Variants in CHRM3 observed in about 807,000 individuals in gnomAD.
CHRM3 encodes the protein cholinergic receptor muscarinic 3, also known as muscarinic acetylcholine receptor M3.
In CHRM3, 11 loss-of-function variants were observed where a neutral mutation model predicts 41.8. The observed-to-expected ratio is 0.26, with a 90% CI of 0.17 to 0.44. The LOEUF (loss-of-function observed/expected upper bound fraction) is 0.44, where lower values mean the gene tolerates loss of function less well. Ranked by LOEUF, CHRM3 falls within the 20% of genes least tolerant of loss-of-function variation. The pLI, the probability that CHRM3 is intolerant of heterozygous loss-of-function variation, is 1.00. For missense variants in CHRM3, 571 were observed against 745.4 expected, an observed-to-expected ratio of 0.77 and a Z score of 2.72; for synonymous variants, 297 against 301.4, an observed-to-expected ratio of 0.99 and a Z score of 0.15.
intron 1 of CHRM3, among the ~76,000 whole-genome samples, chr1:239,470,444 C>A (rs1000719135): frequency 6.6e-6 from 1 of 151,898 alleles, no homozygotes; most frequent in East Asian, 1.9e-4. Flanking sequence ...AAATTCACAC[C>A]CCCCCACTCT....
At chr1:239,745,207 A>G (rs909872609) in intron 5 of CHRM3, among the ~76,000 whole-genome samples, 1 of 152,320 alleles carries the variant, frequency 6.6e-6, no homozygotes, top group East Asian at 1.9e-4. Flanking sequence ...GGAAAGTGAC[A>G]TGATCAGATG....
intron 3 of CHRM3, among the ~76,000 whole-genome samples, chr1:239,587,350 G>A (rs1371410464): frequency 3.3e-5 from 5 of 152,272 alleles, no homozygotes; most frequent in South Asian, 2.1e-4. Flanking sequence ...CCTCTTACCA[G>A]TCATTTACGT....
At chr1:239,434,956 A>G (rs931590429) in intron 1 of CHRM3, among the ~76,000 whole-genome samples, 2 of 152,150 alleles carry the variant, frequency 1.3e-5, no homozygotes, top group Middle Eastern at 3.2e-3. Context: ...AGGTTTTTGT[A>G]TTCCTTGTCA....
chr1:239,389,640 A>G (rs1288301495), intron 1 of CHRM3, among the ~76,000 whole-genome samples: 1 of 152,238 alleles, frequency 6.6e-6, no homozygotes, highest in Non-Finnish European at 1.5e-5. Context: ...TCACACTTGT[A>G]AATTGAATAG....
intron 2 of CHRM3, among the ~76,000 whole-genome samples, chr1:239,500,382 C>T (rs537513228): frequency 1.3e-4 from 20 of 151,224 alleles, no homozygotes; most frequent in African/African-American, 1.7e-4. Flanking sequence ...AACCAAACAC[C>T]GCATGTTCTC....
At chr1:239,456,656 T>C (rs1664961002) in intron 1 of CHRM3, among the ~76,000 whole-genome samples, 2 of 152,146 alleles carry the variant, frequency 1.3e-5, no homozygotes, top group Non-Finnish European at 1.5e-5. Flanking sequence ...GTAGTGTACA[T>C]GAATGGCCCA....
intron 3 of CHRM3, among the ~76,000 whole-genome samples, chr1:239,575,321 A>C (rs575751498): frequency 6.6e-6 from 1 of 152,256 alleles, no homozygotes; most frequent in African/African-American, 2.4e-5. Context: ...AGCAGCCTAA[A>C]GGGTTGTTGA....
At chr1:239,690,018 CAG>C (rs1385161267) in intron 5 of CHRM3, among the ~76,000 whole-genome samples, 2 of 150,846 alleles carry the variant, frequency 1.3e-5, no homozygotes, top group East Asian at 2.0e-4. Flanking sequence ...GACACTAAAA[CAG>C]AGAGAGAGAG....
At chr1:239,471,206 A>G (rs1452155609) in intron 1 of CHRM3, among the ~76,000 whole-genome samples, 1 of 152,250 alleles carries the variant, frequency 6.6e-6, no homozygotes, top group African/African-American at 2.4e-5. Flanking sequence ...TTATGATAGT[A>G]AATTTTAGTT....
At position 239,543,083 on chromosome 1, in the gene CHRM3, C is replaced by T. The variant is rs78312259; in HGVS notation, c.-421-2558C>T. ...ATCATCACCTTTCTTAGGCCTTCAG[C>T]AGGAAGACTGGTTGTCTCAGTTATC... On this transcript the variant is annotated intron_variant, in intron 2 of 6. Coordinates refer to ENST00000676153, the MANE Select transcript of CHRM3 (RefSeq NM_001375978.1). 1.3e-4 allele frequency among the ~76,000 whole-genome samples: 20 copies of T among 152,310 alleles called. No individual in the cohort carries two copies. The East Asian group carries it at 3.9e-3, about 30-fold the overall frequency.
At chr1:239,592,467 A>G (rs753461654) in intron 3 of CHRM3, among the ~76,000 whole-genome samples, 5 of 152,138 alleles carry the variant, frequency 3.3e-5, no homozygotes, top group Non-Finnish European at 7.4e-5. Flanking sequence ...GCCTTAAGCC[A>G]CCACTAATTT....
chr1:239,730,228 T>G (rs12093210), intron 5 of CHRM3, among the ~76,000 whole-genome samples: 6,286 of 152,106 alleles, frequency 0.041, 219 homozygotes, highest in African/African-American at 0.081. Flanking sequence ...TAGATATATA[T>G]CCCCATAAAC....
chr1:239,577,965 T>C (rs566254601), intron 3 of CHRM3, among the ~76,000 whole-genome samples: 1 of 152,296 alleles, frequency 6.6e-6, no homozygotes, highest in Non-Finnish European at 1.5e-5. Flanking sequence ...GGGAAGACAT[T>C]AATATTTGAG....
rs34798101 is a variant in CHRM3 at position 239,532,009 on chromosome 1, C to CTTTTT, written c.-421-13615_-421-13611dup. ...TATTTCTTTTTTCTTTTCCTTCTTT[C>CTTTTT]TTTTTTTTTTTTTTTTTTTTTGAGA... On this transcript the variant is annotated intron_variant, in intron 2 of 6. Transcript: ENST00000676153. Among the ~76,000 whole-genome samples, 467 of 76,306 alleles carry CTTTTT rather than the reference C, an allele frequency of 6.1e-3. 2 individuals carry two copies. The highest frequency in any genetic ancestry group is 7.5e-3 in the Non-Finnish European group (320 of 42,942). 50.1% of individuals were successfully genotyped at this position (76,306 alleles called of 152,430 possible).
At chr1:239,603,219 T>C (rs1482250166) in intron 3 of CHRM3, among the ~76,000 whole-genome samples, 1 of 152,252 alleles carries the variant, frequency 6.6e-6, no homozygotes, top group African/African-American at 2.4e-5. Context: ...GTTTTGTTTT[T>C]TGTAAGTATC....
intron 1 of CHRM3, among the ~76,000 whole-genome samples, chr1:239,435,385 G>C (rs1390916825): frequency 6.6e-6 from 1 of 151,490 alleles, no homozygotes; most frequent in Non-Finnish European, 1.5e-5. Flanking sequence ...GGAGGCAGAG[G>C]TTGCAGTGAG....
intron 6 of CHRM3, among the ~76,000 whole-genome samples, chr1:239,871,708 A>G (rs1416893703): frequency 6.6e-6 from 1 of 152,132 alleles, no homozygotes; most frequent in Non-Finnish European, 1.5e-5. Flanking sequence ...CATGCAGTTT[A>G]CATGATATGG....
chr1:239,551,532 A>T (rs949131895), intron 3 of CHRM3, among the ~76,000 whole-genome samples: 5 of 152,074 alleles, frequency 3.3e-5, no homozygotes, highest in African/African-American at 1.2e-4. Context: ...ACCAAAAAAA[A>T]AAAAGGCCTC....
intron 1 of CHRM3, among the ~76,000 whole-genome samples, chr1:239,414,675 G>A (rs1303818998): frequency 1.3e-5 from 2 of 152,206 alleles, no homozygotes; most frequent in Non-Finnish European, 2.9e-5. Flanking sequence ...AAGGAGGATC[G>A]ATTCAATGGA....
Sources: allele counts gnomAD v4.1 joint callset (sites outside exome capture counted in the v4.1 genomes callset), GRCh38; gene constraint gnomAD v4.1.1; transcripts MANE v1.5; gene names NCBI Gene and HGNC (gene_info 2026-07-23, HGNC 2026-07-21).